The following DEFB131A variants were observed in gnomAD, a reference collection of about 807,000 sequenced individuals.
DEFB131A encodes beta-defensin 131A.
In DEFB131A, 5 loss-of-function variants were observed where a neutral mutation model predicts 2.4. The observed-to-expected ratio is 2.12, with a 90% CI of 1.11 to 4.47. The LOEUF (loss-of-function observed/expected upper bound fraction) is 4.47. Ranked by LOEUF, DEFB131A falls within the 30% of genes most tolerant of loss-of-function variation. The probability of loss-of-function intolerance (pLI) is 0.00; values close to 1 mark genes in which losing one functional copy is unlikely to be tolerated. For synonymous variants in DEFB131A, 34 were observed against 25.7 expected (o/e 1.32, Z -0.97); for missense variants, 120 against 79.9 (o/e 1.50, Z -1.91).
chr4:9,445,128 T>C (rs929993457), intron 1 of DEFB131A, among the ~76,000 whole-genome samples: 2 of 151,950 alleles, frequency 1.3e-5, no homozygotes, highest in African/African-American at 4.8e-5. Flanking sequence ...TTATGTTTGA[T>C]CAAAAGATGG....
intron 1 of DEFB131A, among the ~76,000 whole-genome samples, chr4:9,448,524 A>G (rs1165618811): frequency 6.6e-6 from 1 of 152,090 alleles, no homozygotes; most frequent in Non-Finnish European, 1.5e-5. Flanking sequence ...GGATTCCGCT[A>G]GGTTAGCCAG....
chr4:9,449,187 G>T lies in DEFB131A; in HGVS notation c.59-1173G>T, dbSNP rs1425929462. On this transcript the variant is annotated intron_variant, in intron 1 of 1. Transcript: ENST00000334879. The stretch of plus-strand genomic sequence containing the variant: ...GACATTCATGAAAGAAATTAAAGAA[G>T]ACACAAATCAGTGGAAAGATATCCT... 6.0e-5 allele frequency among the ~76,000 whole-genome samples: 9 copies of T among 150,160 alleles called. 1 individual carries two copies. The highest frequency in any genetic ancestry group is 2.7e-4 in the Admixed American group (4 of 14,910).
intron 1 of DEFB131A, among the ~76,000 whole-genome samples, chr4:9,449,209 T>A (rs1222108372): frequency 6.7e-6 from 1 of 150,310 alleles, no homozygotes; most frequent in African/African-American, 2.4e-5. Context: ...TGGAAAGATA[T>A]CCTATGTTCA....
At position 9,450,546 on chromosome 4, in the gene DEFB131A, G is replaced by A. The variant is rs28583524; in HGVS notation, c.*32G>A. ...TAACTCCATCTTCTTCAGACTCCGGGACAAAAAACATGTCTTAAACTCTCT... is the reference window on the plus strand; with the variant it reads ...TAACTCCATCTTCTTCAGACTCCGGAACAAAAAACATGTCTTAAACTCTCT... On this transcript the variant is annotated 3_prime_UTR_variant, in exon 2 of 2. Coordinates refer to ENST00000334879, the MANE Select transcript of DEFB131A (RefSeq NM_001040448.3). 4.9e-3 allele frequency: 7,842 copies of A among 1,594,754 alleles called. 129 individuals are homozygous for A. The African/African-American group carries it at 0.076, about 15-fold the overall frequency.
rs191822782 is a variant in DEFB131A, at chr4:9,449,464, C to T, written c.59-896C>T. On this transcript the variant is annotated intron_variant, in intron 1 of 1. Coordinates refer to ENST00000334879, the MANE Select transcript of DEFB131A (RefSeq NM_001040448.3). ...TGGGGAAAAGACGGTTTCTTCAATACTTCGTACTGAGAAAACTGAATATTC... is the reference window on the plus strand; with the variant it reads ...TGGGGAAAAGACGGTTTCTTCAATATTTCGTACTGAGAAAACTGAATATTC... Among the ~76,000 whole-genome samples the T allele has an allele frequency of 1.7e-3, 260 of 149,530 alleles. 2 individuals are homozygous for T. The highest frequency in any genetic ancestry group is 6.8e-3 in the Middle Eastern group (2 of 292).
At chr4:9,445,046 C>T (rs1040256861) in intron 1 of DEFB131A, among the ~76,000 whole-genome samples, 1 of 152,034 alleles carries the variant, frequency 6.6e-6, no homozygotes, top group African/African-American at 2.4e-5. Flanking sequence ...TGCCACTGCA[C>T]ACCAGCCTGG....
intron 1 of DEFB131A, among the ~76,000 whole-genome samples, chr4:9,449,965 G>T (rs1268314870): frequency 5.3e-5 from 8 of 152,000 alleles, no homozygotes; most frequent in Non-Finnish European, 1.2e-4. Flanking sequence ...TTCACTCTCT[G>T]ATTCAAGGCC....
intron 1 of DEFB131A, among the ~76,000 whole-genome samples, chr4:9,446,764 A>G (rs1401666800): frequency 6.6e-6 from 1 of 152,006 alleles, no homozygotes; most frequent in African/African-American, 2.4e-5. Flanking sequence ...GTTGTATTCC[A>G]TAGGTTTTGG....
chr4:9,444,954 G>A (rs1230668425), intron 1 of DEFB131A, among the ~76,000 whole-genome samples: 1 of 151,728 alleles, frequency 6.6e-6, no homozygotes, highest in Admixed American at 6.6e-5. Context: ...ATAGTGGCGC[G>A]TGTCTGTGGT....
chr4:9,448,373 C>T (rs779188530), intron 1 of DEFB131A, among the ~76,000 whole-genome samples: 1 of 151,878 alleles, frequency 6.6e-6, no homozygotes, highest in Non-Finnish European at 1.5e-5. Flanking sequence ...TTTTTTTAGA[C>T]AGTCTCACTT....
At chr4:9,446,504 A>T (rs1362760502) in intron 1 of DEFB131A, among the ~76,000 whole-genome samples, 1 of 152,086 alleles carries the variant, frequency 6.6e-6, no homozygotes, top group Non-Finnish European at 1.5e-5. Context: ...TAGTCTAGCT[A>T]GCAGTTTATA....
intron 1 of DEFB131A, among the ~76,000 whole-genome samples, chr4:9,448,543 C>T (rs1387361419): frequency 2.6e-5 from 4 of 152,048 alleles, no homozygotes; most frequent in East Asian, 1.9e-4. Context: ...AGGCTGGTCT[C>T]GAACTCCTGA....
chr4:9,448,012 G>T (rs1235886238), intron 1 of DEFB131A, among the ~76,000 whole-genome samples: 2 of 151,778 alleles, frequency 1.3e-5, no homozygotes, highest in Non-Finnish European at 2.9e-5. Context: ...GGAAAGAAAG[G>T]AACAGAAGAA....
rs182669483 is a variant in DEFB131A at position 9,444,548 on chromosome 4, T to C, written c.15T>C (p.Phe5=). The change falls in exon 1 of 2, where the codon TTT becomes TTC. Residue 5 remains phenylalanine, a synonymous_variant. Transcript: ENST00000334879. MRVL[F]FVFGVLSLMF... ...CCTATTCAACCATGAGGGTCTTGTT[T>C]TTTGTCTTTGGAGTCCTTTCCTTGA... The C allele has an allele frequency of 1.7e-3, 2,718 of 1,611,714 alleles. 85 individuals carry two copies. In the Admixed American group the frequency reaches 0.043, roughly 26 times the overall value.
intron 1 of DEFB131A, among the ~76,000 whole-genome samples, chr4:9,444,933 A>G (rs974080985): frequency 6.7e-6 from 1 of 149,338 alleles, no homozygotes; most frequent in East Asian, 2.0e-4. Context: ...AATACAAAAA[A>G]TTAATCAGGT....
Position 9,444,560 on chromosome 4 carries a change from A to G in DEFB131A, c.27A>G (p.Gly9=), listed in dbSNP as rs745737615. The G allele has an allele frequency of 2.5e-6, 4 of 1,611,224 alleles. No homozygotes were observed. The African/African-American group carries it at 5.3e-5, about 22-fold the overall frequency. Residue 9 remains glycine (G), a synonymous_variant, in exon 1 of 2, where the codon GGA becomes GGG. Transcript: ENST00000334879. ...TGAGGGTCTTGTTTTTTGTCTTTGG[A>G]GTCCTTTCCTTGATGTTCACAGTTC... MRVLFFVF[G]VLSLMFTVPP...
Position 9,450,602 on chromosome 4 carries a change from A to C in DEFB131A, c.*88A>C. 1 of 1,479,702 alleles carries C rather than the reference A, an allele frequency of 6.8e-7. No homozygotes were observed. The highest frequency in any genetic ancestry group is 9.1e-7 in the Non-Finnish European group (1 of 1,095,668). 91.7% of individuals were successfully genotyped at this position (1,479,702 alleles called of 1,614,324 possible). A position where few individuals can be genotyped will look rare whatever the true frequency, so the allele number is the denominator to read the frequency against. ...ATGAATAATTAACATGATAGATGAA[A>C]ATTATTATAATTGCATGTTTAGATG... On this transcript the variant is annotated 3_prime_UTR_variant, in exon 2 of 2. Transcript: ENST00000334879.
rs771498069 is a variant in DEFB131A at position 9,450,386 on chromosome 4, T to C, written c.85T>C (p.Cys29Arg). ...CAGAAGCTTCATTTCTAATGATGAA[T>C]GTCCTTCAGAATATTATCATTGCAG... ...PARSFISNDECPSEYYHCRLK... is the reference protein window; with the variant it reads ...PARSFISNDERPSEYYHCRLK... The change falls in exon 2 of 2, where the codon TGT (cysteine) becomes CGT (arginine). Residue 29 changes from cysteine (C) to arginine (R), a missense_variant. Coordinates refer to ENST00000334879, the MANE Select transcript of DEFB131A (RefSeq NM_001040448.3). 7 of 1,586,486 alleles carry C rather than the reference T, an allele frequency of 4.4e-6. No homozygotes were observed. In the South Asian group the frequency reaches 7.0e-5, roughly 16 times the overall value.
chr4:9,447,716 T>TA (rs57201315), intron 1 of DEFB131A, among the ~76,000 whole-genome samples: 3,116 of 134,712 alleles, frequency 0.023, 23 homozygotes, highest in Middle Eastern at 0.047. Context: ...TATCAGTCCT[T>TA]AAAAAAAAAA....
Sources: gnomAD v4.1 joint callset for allele counts (sites outside exome capture counted in the v4.1 genomes callset) on GRCh38, gnomAD v4.1.1 for gene constraint, MANE v1.5 for transcripts, NCBI Gene and HGNC (gene_info 2026-07-23, HGNC 2026-07-21) for gene names.